The following SNX2 variants were observed in gnomAD, a reference collection of about 807,000 sequenced individuals.
SNX2 encodes sorting nexin 2.
A neutral mutation model predicts 69.9 loss-of-function variants in SNX2; 25 were observed. The ratio of observed to expected loss-of-function variants is 0.36; its 90% CI spans 0.26 to 0.50. The LOEUF (loss-of-function observed/expected upper bound fraction) is 0.50, where lower values mean the gene tolerates loss of function less well. Ranked by LOEUF, SNX2 falls within the 20% of genes least tolerant of loss-of-function variation. The probability of loss-of-function intolerance (pLI) is 0.97; values close to 1 mark genes in which losing one functional copy is unlikely to be tolerated. For synonymous variants in SNX2, 229 were observed against 200.4 expected, an observed-to-expected ratio of 1.14 and a Z score of -1.20; for missense variants, 551 against 613.3, an observed-to-expected ratio of 0.90 and a Z score of 1.07.
intron 1 of SNX2, among the ~76,000 whole-genome samples, chr5:122,789,456 CACACACAG>C (rs1188573583): frequency 8.5e-5 from 9 of 105,500 alleles, no homozygotes; most frequent in African/African-American, 3.5e-4. Context: ...CACACACACA[CACACACAG>C]ACACACACGG....
chr5:122,800,906 T>C (rs1410803807), intron 3 of SNX2, among the ~76,000 whole-genome samples: 2 of 152,208 alleles, frequency 1.3e-5, no homozygotes, highest in African/African-American at 4.8e-5. Flanking sequence ...GCAGAGCTAA[T>C]GTTTGGATTG....
chr5:122,825,486 T>C (rs892332370), intron 11 of SNX2, among the ~76,000 whole-genome samples: 2 of 152,102 alleles, frequency 1.3e-5, no homozygotes, highest in African/African-American at 4.8e-5. Context: ...AAAATATATA[T>C]AGTCCTCTTC....
Position 122,826,212 on chromosome 5 carries a change from AATCTCTT to A in SNX2, c.1356+20_1356+26del. ...AAGAGAGGTGATTACTAAATGCTTT[AATCTCTT>A]TACTTAAGTTTTGCATGAGTCATTC... On this transcript the variant is annotated intron_variant, in intron 12 of 14. Coordinates refer to ENST00000379516, the MANE Select transcript of SNX2 (RefSeq NM_003100.4). 1 of 1,595,576 alleles carries A rather than the reference AATCTCTT, an allele frequency of 6.3e-7. No individual in the cohort carries two copies. The highest frequency in any genetic ancestry group is 8.6e-7 in the Non-Finnish European group (1 of 1,168,852).
intron 1 of SNX2, among the ~76,000 whole-genome samples, chr5:122,789,222 G>T (rs1753156957): frequency 6.6e-6 from 1 of 152,138 alleles, no homozygotes; most frequent in African/African-American, 2.4e-5. Flanking sequence ...TCAGGTCTTA[G>T]TCTGGGACTT....
chr5:122,790,924 A>G (rs1753219204), intron 1 of SNX2, among the ~76,000 whole-genome samples: 1 of 152,136 alleles, frequency 6.6e-6, no homozygotes, highest in Non-Finnish European at 1.5e-5. Context: ...AAAGGGGACA[A>G]CCTTGTCTTG....
chr5:122,818,760 A>T (rs750866283), intron 10 of SNX2, 58 bp from the exon 11 acceptor site: 2 of 1,416,492 alleles, frequency 1.4e-6, no homozygotes, highest in Non-Finnish European at 9.7e-7. Flanking sequence ...AAATCAATAC[A>T]ATATTTTAAA....
intron 11 of SNX2, among the ~76,000 whole-genome samples, chr5:122,823,891 C>A (rs1754087141): frequency 6.6e-6 from 1 of 151,648 alleles, no homozygotes; most frequent in African/African-American, 2.4e-5. Flanking sequence ...CAGCCCAACT[C>A]AAATTCACAA....
At chr5:122,791,246 C>T (rs1753230262) in intron 1 of SNX2, among the ~76,000 whole-genome samples, 3 of 151,792 alleles carry the variant, frequency 2.0e-5, no homozygotes, top group Admixed American at 2.0e-4. Flanking sequence ...GCCTCAGCCT[C>T]CTGAATAGCT....
At chr5:122,789,929 T>G (rs948597842) in intron 1 of SNX2, among the ~76,000 whole-genome samples, 2 of 152,246 alleles carry the variant, frequency 1.3e-5, no homozygotes, top group Admixed American at 1.3e-4. Flanking sequence ...TCTAGTTGGC[T>G]TACCACTTGT....
intron 11 of SNX2, among the ~76,000 whole-genome samples, chr5:122,820,264 A>G (rs1215189794): frequency 3.2e-4 from 48 of 152,248 alleles, no homozygotes; most frequent in African/African-American, 1.0e-3. Flanking sequence ...TGGGCCGGGC[A>G]CTGTGGCTCA....
In SNX2 at chr5:122,818,909, G is replaced by C; in HGVS notation, c.1098G>C (p.Gln366His). 6.2e-7 allele frequency: 1 copy of C among 1,613,962 alleles called. No homozygotes were observed. The highest frequency in any genetic ancestry group is 1.3e-5 in the African/African-American group (1 of 75,018). Residue 366 changes from glutamine (Q) to histidine (H), a missense_variant, in exon 11 of 15, where the codon CAG becomes CAC. By Grantham distance (24) the Gln-to-His change is conservative. Coordinates refer to ENST00000379516, the MANE Select transcript of SNX2 (RefSeq NM_003100.4). ...DHTALSRALS[Q>H]LAEVEEKIDQ... ...CTGCTTTATCTAGAGCTTTGTCTCA[G>C]CTTGCAGAGGTTGAGGAGAAGATAG...
Position 122,830,054 on chromosome 5 carries a change from T to C in SNX2, c.*406T>C, listed in dbSNP as rs1415466840. 6.3e-6 allele frequency: 1 copy of C among 157,486 alleles called. No individual in the cohort carries two copies. The highest frequency in any genetic ancestry group is 1.4e-5 in the Non-Finnish European group (1 of 71,274). 9.8% of individuals were successfully genotyped at this position (157,486 alleles called of 1,614,324 possible). A position where few individuals can be genotyped will look rare whatever the true frequency, so the allele number is the denominator to read the frequency against. The stretch of plus-strand genomic sequence containing the variant: ...TGAATAATGTTCACTTATACATTCC[T>C]GTACAGAAATTACGATTTTGTGATT... On this transcript the variant is annotated 3_prime_UTR_variant, in exon 15 of 15. Coordinates refer to ENST00000379516, the MANE Select transcript of SNX2 (RefSeq NM_003100.4).
In SNX2 at chr5:122,831,512, T is replaced by C. The variant is rs954316431; in HGVS notation, c.*1864T>C. ...CTAAAAAAAATGAAGACTTGATGAG[T>C]TGAACAGGGAAAACAAAAGTTTGCT... On this transcript the variant is annotated 3_prime_UTR_variant, in exon 15 of 15. Transcript: ENST00000379516. 6.6e-6 allele frequency among the ~76,000 whole-genome samples: 1 copy of C among 152,102 alleles called. No individual in the cohort carries two copies. The highest frequency in any genetic ancestry group is 1.5e-5 in the Non-Finnish European group (1 of 68,020).
intron 14 of SNX2, among the ~76,000 whole-genome samples, chr5:122,828,566 A>G (rs1754210752): frequency 6.6e-6 from 1 of 151,724 alleles, no homozygotes; most frequent in African/African-American, 2.4e-5. Context: ...GCAATAACAT[A>G]AACTGTCAAT....
At chr5:122,822,198 A>C (rs925656372) in intron 11 of SNX2, among the ~76,000 whole-genome samples, 1 of 151,952 alleles carries the variant, frequency 6.6e-6, no homozygotes, top group Non-Finnish European at 1.5e-5. Flanking sequence ...GGTTCAAGCA[A>C]TTCTGCCTCA....
At chr5:122,811,169 T>C (rs1237135984) in intron 7 of SNX2, among the ~76,000 whole-genome samples, 1 of 152,190 alleles carries the variant, frequency 6.6e-6, no homozygotes, top group Non-Finnish European at 1.5e-5. Flanking sequence ...CGTTCAAACT[T>C]AGATAATCCA....
Position 122,832,154 on chromosome 5 carries a change from C to T in SNX2, c.*2506C>T, listed in dbSNP as rs547731260. Among the ~76,000 whole-genome samples, 1 of 150,572 alleles carries T rather than the reference C, an allele frequency of 6.6e-6. No homozygotes were observed. The highest frequency in any genetic ancestry group is 2.5e-5 in the African/African-American group (1 of 39,944). On this transcript the variant is annotated 3_prime_UTR_variant, in exon 15 of 15. Coordinates refer to ENST00000379516, the MANE Select transcript of SNX2 (RefSeq NM_003100.4). ...TCTTAATGAGATCAAAAGTTAAAGACCAAGGCAGCAAAATATTGTGAAACA... is the reference window on the plus strand; with the variant it reads ...TCTTAATGAGATCAAAAGTTAAAGATCAAGGCAGCAAAATATTGTGAAACA...
intron 12 of SNX2, chr5:122,826,580 A>C: frequency 3.1e-6 from 2 of 652,838 alleles, no homozygotes; most frequent in Non-Finnish European, 3.8e-6. Flanking sequence ...ATGGTATTTT[A>C]GTGAATTTGT....
At chr5:122,806,142 G>GCGCGCACGCACACACACACACACACA in intron 6 of SNX2, among the ~76,000 whole-genome samples, 6 of 130,584 alleles carry the variant, frequency 4.6e-5, no homozygotes, top group African/African-American at 1.7e-4. Flanking sequence ...ACACGCGCGC[G>GCGCGCACGCACACACACACACACACA]CACACACACA....
Sources: allele counts gnomAD v4.1 joint callset (sites outside exome capture counted in the v4.1 genomes callset), GRCh38; gene constraint gnomAD v4.1.1; transcripts MANE v1.5; gene names NCBI Gene and HGNC (gene_info 2026-07-23, HGNC 2026-07-21).